DBT: variants seen among roughly 807,000 people sequenced by gnomAD.
The protein encoded by DBT is dihydrolipoamide branched chain transacylase E2.
DBT carries 40 observed loss-of-function variants against 51.3 expected under a neutral mutation model. The observed-to-expected ratio is 0.78, with a 90% CI of 0.61 to 1.02. The LOEUF is 1.02. Among genes scored for constraint, DBT ranks in the 50% least tolerant of loss-of-function variants. The pLI, the probability that DBT is intolerant of heterozygous loss-of-function variation, is 0.00. For synonymous variants in DBT, 181 were observed against 190.4 expected (o/e 0.95, Z 0.41); for missense variants, 510 against 580.2 (o/e 0.88, Z 1.24).
intron 4 of DBT, among the ~76,000 whole-genome samples, chr1:100,219,648 T>C (rs12563896): frequency 0.79 from 120,394 of 151,640 alleles, 49,202 homozygotes; most frequent in East Asian, 0.95. Context: ...CACAGGAAGC[T>C]GAGGCGGGGA....
At chr1:100,202,660 A>G (rs1661524943) in intron 10 of DBT, among the ~76,000 whole-genome samples, 1 of 152,212 alleles carries the variant, frequency 6.6e-6, no homozygotes, top group African/African-American at 2.4e-5. Context: ...TAATTCTAAA[A>G]TCGTACACAC....
intron 4 of DBT, among the ~76,000 whole-genome samples, 193 bp from the exon 5 acceptor site, chr1:100,218,940 G>C (rs1330302015): frequency 2.6e-5 from 4 of 151,414 alleles, no homozygotes; most frequent in African/African-American, 4.9e-5. Context: ...AGTGGGGGGG[G>C]GGGTGTGTGC....
At chr1:100,216,710 A>G (rs72973764) in intron 5 of DBT, among the ~76,000 whole-genome samples, 4,838 of 152,342 alleles carry the variant, frequency 0.032, 288 homozygotes, top group African/African-American at 0.11. Flanking sequence ...GCTATACCAA[A>G]TTTAGACCAA....
At chr1:100,219,477 T>A (rs1662710523) in intron 4 of DBT, among the ~76,000 whole-genome samples, 1 of 152,180 alleles carries the variant, frequency 6.6e-6, no homozygotes, top group African/African-American at 2.4e-5. Flanking sequence ...CAATGGCTCA[T>A]GCCTGTAATC....
intron 4 of DBT, among the ~76,000 whole-genome samples, 185 bp from the exon 5 acceptor site, chr1:100,218,932 T>G (rs1309855477): frequency 2.0e-4 from 29 of 146,810 alleles, no homozygotes; most frequent in African/African-American, 2.6e-4. Context: ...ATGGGTAGAG[T>G]GGGGGGGGGG....
In DBT at chr1:100,226,421, C is replaced by G. The variant is rs1039414215; in HGVS notation, c.433+4312G>C. Among the ~76,000 whole-genome samples, 9 of 151,422 alleles carry G rather than the reference C, an allele frequency of 5.9e-5. 1 individual carries two copies. Among genetic ancestry groups the G allele is most frequent in the Admixed American group, 5.9e-4 (9 of 15,186 alleles). On this transcript the variant is annotated intron_variant, in intron 4 of 10. Coordinates refer to ENST00000370132, the MANE Select transcript of DBT (RefSeq NM_001918.5). ...ACCTCAGCCTCCTAAGTAGCTGGGA[C>G]CACAGGTGCACGCCACCACACCTGG...
intron 7 of DBT, chr1:100,211,236 T>C: frequency 1.5e-6 from 1 of 676,642 alleles, no homozygotes; most frequent in South Asian, 1.7e-5. Context: ...CTACTTGGTG[T>C]CCTTGGCCAG....
At chr1:100,230,673 C>T in intron 4 of DBT, 60 bp downstream of exon 4, 3 of 1,092,518 alleles carry the variant, frequency 2.7e-6, no homozygotes, top group Non-Finnish European at 4.1e-6. Flanking sequence ...TAATTGGGAC[C>T]CAATGACAAA....
At chr1:100,217,092 A>G (rs1393797563) in intron 5 of DBT, among the ~76,000 whole-genome samples, 1 of 152,158 alleles carries the variant, frequency 6.6e-6, no homozygotes, top group African/African-American at 2.4e-5. Context: ...AACAAACTCA[A>G]TTCATAAATA....
At chr1:100,213,385 C>T in intron 7 of DBT, 1 of 1,555,624 alleles carries the variant, frequency 6.4e-7, no homozygotes, top group Non-Finnish European at 8.7e-7. Context: ...ACGGCTACGG[C>T]GCCATCCCCG....
At chr1:100,210,264 T>C (rs911450472) in intron 8 of DBT, among the ~76,000 whole-genome samples, 2 of 150,688 alleles carry the variant, frequency 1.3e-5, no homozygotes, top group Non-Finnish European at 3.0e-5. Context: ...TGAGCCACAA[T>C]CACAACACTG....
chr1:100,231,959 G>A (rs1008968813), intron 3 of DBT, among the ~76,000 whole-genome samples: 13 of 152,134 alleles, frequency 8.5e-5, no homozygotes, highest in African/African-American at 3.1e-4. Flanking sequence ...ACCACAAAAA[G>A]CAAAATCCCC....
rs1664349606 is a variant in DBT, at chr1:100,243,466, C to T, written c.52-2582G>A. 7.9e-5 allele frequency among the ~76,000 whole-genome samples: 12 copies of T among 151,884 alleles called. No homozygotes were observed. The South Asian group carries it at 2.5e-3, about 32-fold the overall frequency. ...AGTAGCTGGGACTACAGGCATGTGCCATCATGTCCAGCTAAACTTTTTTTG... is the reference window on the plus strand; with the variant it reads ...AGTAGCTGGGACTACAGGCATGTGCTATCATGTCCAGCTAAACTTTTTTTG... On this transcript the variant is annotated intron_variant, in intron 1 of 10. Coordinates refer to ENST00000370132, the MANE Select transcript of DBT (RefSeq NM_001918.5).
rs552255567 is a variant in DBT at position 100,209,056 on chromosome 1, A to T, written c.1017+1638T>A. 2.0e-5 allele frequency among the ~76,000 whole-genome samples: 3 copies of T among 151,556 alleles called. No homozygotes were observed. In the East Asian group the frequency reaches 5.8e-4, roughly 29 times the overall value. On this transcript the variant is annotated intron_variant, in intron 8 of 10. Coordinates refer to ENST00000370132, the MANE Select transcript of DBT (RefSeq NM_001918.5). The stretch of plus-strand genomic sequence containing the variant: ...GAGCTATCTTAGGGTCATGGAATTG[A>T]GGGTAAACATCTTTGTTTTCTTTTT...
chr1:100,215,050 TTA>T, intron 6 of DBT, 67 bp from the exon 7 acceptor site: 1 of 1,199,464 alleles, frequency 8.3e-7, no homozygotes, highest in Non-Finnish European at 1.2e-6. Context: ...TTTTTTTTTT[TTA>T]AAGAAACTAA....
In DBT at chr1:100,188,531, GA is replaced by G. The variant is rs1188387425; in HGVS notation, c.*7723del. 6.6e-6 allele frequency: 1 copy of G among 152,154 alleles called. No individual in the cohort carries two copies. Among genetic ancestry groups the G allele is most frequent in the African/African-American group, 2.4e-5 (1 of 41,436 alleles). 9.4% of individuals were successfully genotyped at this position (152,154 alleles called of 1,614,324 possible). ...GTTTGATGGCTCTTCTCGGGGTGTA[GA>G]TGAGTGGGGGCACTTACATTGCCCG... On this transcript the variant is annotated 3_prime_UTR_variant, in exon 11 of 11. Transcript: ENST00000370132.
At chr1:100,246,769 C>A (rs1664564109) in intron 1 of DBT, among the ~76,000 whole-genome samples, 1 of 152,060 alleles carries the variant, frequency 6.6e-6, no homozygotes, top group Non-Finnish European at 1.5e-5. Flanking sequence ...TTATAGAATG[C>A]ACAGTACAGT....
Position 100,195,102 on chromosome 1 carries a change from C to T in DBT, c.*1153G>A, listed in dbSNP as rs1256396606. 1.3e-5 allele frequency: 2 copies of T among 152,484 alleles called. No homozygotes were observed. The highest frequency in any genetic ancestry group is 2.1e-4 in the South Asian group (1 of 4,830). The allele number at this position is 152,484 out of a possible 1,614,324, so 9.4% of individuals were successfully genotyped here. ...TTCTCCTCTTATTTACATTCTTACC[C>T]AGGATATGGAGAATGGAATAGACCT... On this transcript the variant is annotated 3_prime_UTR_variant, in exon 11 of 11. Coordinates refer to ENST00000370132, the MANE Select transcript of DBT (RefSeq NM_001918.5).
rs1557937518 is a variant in DBT, at chr1:100,193,525, G to C, written c.*2730C>G. ...CATGAAGGTGGCTACTGTATGCTTAGAACCATGATTGGTATGGTAGATGTT... is the reference window on the plus strand; with the variant it reads ...CATGAAGGTGGCTACTGTATGCTTACAACCATGATTGGTATGGTAGATGTT... On this transcript the variant is annotated 3_prime_UTR_variant, in exon 11 of 11. Transcript: ENST00000370132. 4 of 152,202 alleles carry C rather than the reference G, an allele frequency of 2.6e-5. No homozygotes were observed. The highest frequency in any genetic ancestry group is 4.4e-5 in the Non-Finnish European group (3 of 68,038). The allele number at this position is 152,202 out of a possible 1,614,324, so 9.4% of individuals were successfully genotyped here.
Sources: allele counts gnomAD v4.1 joint callset (sites outside exome capture counted in the v4.1 genomes callset), GRCh38; gene constraint gnomAD v4.1.1; transcripts MANE v1.5; gene names NCBI Gene and HGNC (gene_info 2026-07-23, HGNC 2026-07-21).